Variants in SPRTN observed in about 807,000 individuals in gnomAD.
SPRTN encodes DNA-dependent metalloprotease SPRTN.
In SPRTN, 11 loss-of-function variants were observed where a neutral mutation model predicts 31.9. The observed-to-expected ratio is 0.34, with a 90% confidence interval of 0.22 to 0.57. The LOEUF (loss-of-function observed/expected upper bound fraction) is 0.57. Ranked by LOEUF, SPRTN falls within the 20% of genes least tolerant of loss-of-function variation. The pLI is 0.86. For synonymous variants in SPRTN, 185 were observed against 212.1 expected (o/e 0.87, Z 1.11); for missense variants, 482 against 590.1 (o/e 0.82, Z 1.90).
chr1:231,345,694 TGCACTCCCACCAGCAGTATATA>T (rs1203223122), intron 2 of SPRTN, among the ~76,000 whole-genome samples: 3 of 152,254 alleles, frequency 2.0e-5, no homozygotes, highest in Non-Finnish European at 4.4e-5. Flanking sequence ...ATAGGAGAAT[TGCACTCCCACCAGCAGTATATA>T]GGAATGTTTA....
At chr1:231,349,154 T>C (rs947969584) in intron 3 of SPRTN, among the ~76,000 whole-genome samples, 1 of 151,900 alleles carries the variant, frequency 6.6e-6, no homozygotes, top group East Asian at 1.9e-4. Context: ...AAAAAATTTT[T>C]TTTTTTAGAG....
At chr1:231,351,238 A>G in intron 3 of SPRTN, 66 bp from the exon 4 acceptor site, 1 of 1,224,990 alleles carries the variant, frequency 8.2e-7, no homozygotes. Flanking sequence ...AAGACTGCTT[A>G]TGTAAATTGT....
At position 231,352,910 on chromosome 1, in the gene SPRTN, A is replaced by G. The variant is rs780343623; in HGVS notation, c.1019A>G (p.Gln340Arg). Reference sequence around the variant, plus strand: ...TTTCCTAGAGTATCATTTGCCAACCAAAAGGCTTTCAGAGGTGTGAATGGA... The same window carrying G: ...TTTCCTAGAGTATCATTTGCCAACCGAAAGGCTTTCAGAGGTGTGAATGGA... The part of the protein sequence containing the change: ...NYFPRVSFAN[Q>R]KAFRGVNGSP... The change falls in exon 5 of 5, where the codon CAA becomes CGA. Residue 340 changes from glutamine to arginine, a missense_variant. Coordinates refer to ENST00000295050, the MANE Select transcript of SPRTN (RefSeq NM_032018.7). 1.9e-6 allele frequency: 3 copies of G among 1,614,046 alleles called. No homozygotes were observed. The African/African-American group carries it at 4.0e-5, about 22-fold the overall frequency.
chr1:231,344,461 C>T (rs1470258654), intron 2 of SPRTN, among the ~76,000 whole-genome samples: 3 of 152,136 alleles, frequency 2.0e-5, no homozygotes, highest in Admixed American at 6.5e-5. Flanking sequence ...GAAATATAAT[C>T]ATGCCACTGC....
At chr1:231,347,761 A>G (rs113359952) in intron 2 of SPRTN, 36 bp from the exon 3 acceptor site, 4 of 1,584,164 alleles carry the variant, frequency 2.5e-6, no homozygotes, top group Non-Finnish European at 8.5e-7. Flanking sequence ...AGTGTCATAC[A>G]GACTCTAAAA....
At chr1:231,351,654 T>C in intron 4 of SPRTN, 83 bp downstream of exon 4, 1 of 1,537,954 alleles carries the variant, frequency 6.5e-7, no homozygotes. Flanking sequence ...GAACTGGTAT[T>C]AAGATAAACT....
intron 1 of SPRTN, among the ~76,000 whole-genome samples, chr1:231,338,976 A>G (rs747101692): frequency 1.2e-4 from 19 of 152,258 alleles, no homozygotes; most frequent in Non-Finnish European, 2.4e-4. Context: ...CTGAGGACGC[A>G]GAGTAACTGC....
At chr1:231,348,368 C>T (rs1209730212) in intron 3 of SPRTN, among the ~76,000 whole-genome samples, 2 of 152,152 alleles carry the variant, frequency 1.3e-5, no homozygotes, top group Non-Finnish European at 2.9e-5. Context: ...CGTCAGGCTG[C>T]TTGGATTCAA....
At chr1:231,351,768 G>GT (rs770365863) in intron 4 of SPRTN, 197 bp downstream of exon 4, 29 of 1,226,638 alleles carry the variant, frequency 2.4e-5, no homozygotes, top group Non-Finnish European at 2.8e-5. Flanking sequence ...CTGTACAGAA[G>GT]TAAGTAAAAG....
intron 2 of SPRTN, 179 bp downstream of exon 2, chr1:231,340,047 TAAA>T (rs3071954): frequency 1.5e-4 from 44 of 292,216 alleles, no homozygotes; most frequent in East Asian, 2.7e-4. Context: ...TGCTTCATAG[TAAA>T]AAAAAAAAAA....
chr1:231,348,295 T>C (rs894940146), intron 3 of SPRTN, among the ~76,000 whole-genome samples: 3 of 152,214 alleles, frequency 2.0e-5, no homozygotes, highest in Non-Finnish European at 4.4e-5. Context: ...AATTCTTCTT[T>C]GATTCATATC....
In SPRTN at chr1:231,354,454, C is replaced by A; in HGVS notation, c.*1093C>A. Reference sequence around the variant, plus strand: ...AATCTTAAGTGCACAGCTGGGTAAACTTTTACAGTGTTCACCTGTGTAACT... The same window carrying A: ...AATCTTAAGTGCACAGCTGGGTAAAATTTTACAGTGTTCACCTGTGTAACT... On this transcript the variant is annotated 3_prime_UTR_variant, in exon 5 of 5. Coordinates refer to ENST00000295050, the MANE Select transcript of SPRTN (RefSeq NM_032018.7). The A allele has an allele frequency of 1.1e-6, 1 of 909,342 alleles. No individual in the cohort carries two copies. Among genetic ancestry groups the A allele is most frequent in the Non-Finnish European group, 1.3e-6 (1 of 760,442 alleles). The allele number at this position is 909,342 out of a possible 1,614,324, so 56.3% of individuals were successfully genotyped here.
chr1:231,347,237 T>C (rs1165027104), intron 2 of SPRTN, among the ~76,000 whole-genome samples: 1 of 152,232 alleles, frequency 6.6e-6, no homozygotes, highest in Non-Finnish European at 1.5e-5. Context: ...GTCATGTCAT[T>C]GCTCAAGAGT....
chr1:231,339,972 C>T, intron 2 of SPRTN, 104 bp downstream of exon 2: 1 of 1,034,718 alleles, frequency 9.7e-7, no homozygotes. Flanking sequence ...AAAAAAGTCA[C>T]TTTGCCCTCA....
chr1:231,353,353 AGTCTTTG>A lies in SPRTN; in HGVS notation c.1463_1469del (p.Ser488LysfsTer27). ...CAGCATCAAAGTCAAAAGCGAAGAAAGTCTTTGAAAAAGGTTTCAAAGTCTCAAGTAC... is the reference window on the plus strand; with the variant it reads ...CAGCATCAAAGTCAAAAGCGAAGAAAAAAAAGGTTTCAAAGTCTCAAGTAC... On this transcript the variant is annotated frameshift_variant and stop_lost, in exon 5 of 5. Coordinates refer to ENST00000295050, the MANE Select transcript of SPRTN (RefSeq NM_032018.7). LOFTEE classifies it high-confidence loss of function. The A allele has an allele frequency of 6.3e-7, 1 of 1,578,232 alleles. No individual in the cohort carries two copies. The highest frequency in any genetic ancestry group is 8.6e-7 in the Non-Finnish European group (1 of 1,167,058).
chr1:231,351,205 TAAAAAAAAAAAA>T (rs35814914), intron 3 of SPRTN, 87 bp from the exon 4 acceptor site: 3 of 973,398 alleles, frequency 3.1e-6, no homozygotes, highest in African/African-American at 2.3e-5. Flanking sequence ...TTTCAAAAAT[TAAAAAAAAAAAA>T]AAAAAAAAAA....
chr1:231,339,920 C>T (rs771578058), intron 2 of SPRTN, 52 bp downstream of exon 2: 4 of 1,537,134 alleles, frequency 2.6e-6, no homozygotes, highest in Non-Finnish European at 3.6e-6. Context: ...AAATACTTGT[C>T]AATGATTTAG....
At position 231,354,359 on chromosome 1, in the gene SPRTN, C is replaced by T. The variant is rs2437149; in HGVS notation, c.*998C>T. On this transcript the variant is annotated 3_prime_UTR_variant, in exon 5 of 5. Coordinates refer to ENST00000295050, the MANE Select transcript of SPRTN (RefSeq NM_032018.7). The stretch of plus-strand genomic sequence containing the variant: ...GTACATGCTGTTGGCATAGCCCTAA[C>T]ACAGTTGTTCACAAGTTTTCTTTTT... 619,855 of 983,436 alleles carry T rather than the reference C, an allele frequency of 0.63. 196,159 individuals carry two copies. The highest frequency in any genetic ancestry group is 0.67 in the Middle Eastern group (1,274 of 1,912). 60.9% of individuals were successfully genotyped at this position (983,436 alleles called of 1,614,324 possible). A position where few individuals can be genotyped will look rare whatever the true frequency, so the allele number is the denominator to read the frequency against.
At chr1:231,342,068 A>T (rs1379440911) in intron 2 of SPRTN, among the ~76,000 whole-genome samples, 3 of 152,124 alleles carry the variant, frequency 2.0e-5, no homozygotes, top group Non-Finnish European at 4.4e-5. Context: ...GTCAGCCAAG[A>T]CACCCAGACT....
Sources: gnomAD v4.1 joint callset for allele counts (sites outside exome capture counted in the v4.1 genomes callset) on GRCh38, gnomAD v4.1.1 for gene constraint, MANE v1.5 for transcripts, NCBI Gene and HGNC (gene_info 2026-07-23, HGNC 2026-07-21) for gene names.